The following TLN2 variants were observed in gnomAD, a reference collection of about 807,000 sequenced individuals.
TLN2 encodes talin 2.
In TLN2, 118 loss-of-function variants were observed where a neutral mutation model predicts 294.7. The ratio of observed to expected loss-of-function variants is 0.40; its 90% CI spans 0.34 to 0.47. TLN2 has a LOEUF of 0.47. Ranked by LOEUF, TLN2 falls within the 20% of genes least tolerant of loss-of-function variation. The probability of loss-of-function intolerance (pLI) is 0.84; values close to 1 mark genes in which losing one functional copy is unlikely to be tolerated. For synonymous variants in TLN2, 1,431 were observed against 1,304.5 expected (o/e 1.10, Z -2.09); for missense variants, 3,083 against 3,282.2 (o/e 0.94, Z 1.48).
intron 1 of TLN2, among the ~76,000 whole-genome samples, chr15:62,439,559 C>T (rs985110431): frequency 2.4e-4 from 37 of 152,092 alleles, no homozygotes; most frequent in African/African-American, 8.2e-4. Context: ...GTGATCTGCC[C>T]GCCTTGGCCT....
chr15:62,763,784 G>A, intron 40 of TLN2, 89 bp downstream of exon 40: 2 of 1,427,338 alleles, frequency 1.4e-6, no homozygotes, highest in South Asian at 1.5e-5. Flanking sequence ...AGGTTGTAGG[G>A]CCAAAATGTT....
intron 42 of TLN2, among the ~76,000 whole-genome samples, chr15:62,775,770 C>T (rs915014918): frequency 7.2e-5 from 11 of 152,222 alleles, no homozygotes; most frequent in Admixed American, 6.5e-4. Flanking sequence ...TGGCTCAGGG[C>T]GGCCGTAGCC....
intron 24 of TLN2, among the ~76,000 whole-genome samples, chr15:62,719,215 G>T (rs995694942): frequency 6.6e-6 from 1 of 152,168 alleles, no homozygotes; most frequent in Non-Finnish European, 1.5e-5. Context: ...ACAGAATGCC[G>T]TGCCTCTCTC....
At chr15:62,592,492 A>C (rs2046159914) in intron 2 of TLN2, among the ~76,000 whole-genome samples, 1 of 152,234 alleles carries the variant, frequency 6.6e-6, no homozygotes, top group African/African-American at 2.4e-5. Flanking sequence ...ATTGAACAAC[A>C]ACAGAAACAT....
intron 45 of TLN2, among the ~76,000 whole-genome samples, chr15:62,790,688 C>T (rs2065010693): frequency 6.6e-6 from 1 of 152,244 alleles, no homozygotes; most frequent in South Asian, 2.1e-4. Flanking sequence ...GGTTTTAACT[C>T]TGTGGATCTG....
At chr15:62,677,688 C>T (rs2056369636) in intron 11 of TLN2, among the ~76,000 whole-genome samples, 1 of 151,782 alleles carries the variant, frequency 6.6e-6, no homozygotes, top group South Asian at 2.1e-4. Flanking sequence ...TTTCTTCCTT[C>T]CTCCTTCCTT....
In TLN2 at chr15:62,719,814, C is replaced by T. The variant is rs376701521; in HGVS notation, c.2925C>T (p.Ser975=). The stretch of plus-strand genomic sequence containing the variant: ...AGCTGGTCCAGGGAGTGAGGGGGAG[C>T]CAAGCTCAAGCTGAAGACCTGAGTG... The part of the protein sequence containing the change: ...IPQLVQGVRG[S]QAQAEDLSAQ... Residue 975 remains serine (S), a synonymous_variant, in exon 25 of 59, where the codon AGC becomes AGT. Coordinates refer to ENST00000636159, the MANE Select transcript of TLN2 (RefSeq NM_015059.3). 23 of 1,611,988 alleles carry T rather than the reference C, an allele frequency of 1.4e-5. No homozygotes were observed. In the African/African-American group the frequency reaches 2.7e-4, roughly 19 times the overall value.
chr15:62,821,432 A>T (rs2067557090), intron 54 of TLN2, among the ~76,000 whole-genome samples: 2 of 152,230 alleles, frequency 1.3e-5, no homozygotes, highest in Admixed American at 6.5e-5. Context: ...TTCCCCTCAA[A>T]AAAGGGCTGG....
At chr15:62,436,964 A>G (rs1404562051) in intron 1 of TLN2, among the ~76,000 whole-genome samples, 2 of 152,198 alleles carry the variant, frequency 1.3e-5, no homozygotes, top group Non-Finnish European at 2.9e-5. Flanking sequence ...CCCAACCCCA[A>G]GTGATCCTCC....
chr15:62,762,816 G>A (rs533278145), intron 39 of TLN2, among the ~76,000 whole-genome samples: 5 of 152,138 alleles, frequency 3.3e-5, no homozygotes, highest in South Asian at 2.1e-4. Flanking sequence ...TACATTGTCC[G>A]TATCTAGGAG....
rs969791337 is a variant in TLN2 at position 62,482,034 on chromosome 15, C to T, written c.-238+91349C>T. Among the ~76,000 whole-genome samples the T allele has an allele frequency of 3.9e-5, 6 of 151,960 alleles. No individual in the cohort carries two copies. The East Asian group carries it at 7.8e-4, about 20-fold the overall frequency. Reference sequence around the variant, plus strand: ...CTGGTCTCGAACTCCTGACCTCAGACGATCCACCTGCCTCAGCCTCCCAAA... The same window carrying T: ...CTGGTCTCGAACTCCTGACCTCAGATGATCCACCTGCCTCAGCCTCCCAAA... On this transcript the variant is annotated intron_variant, in intron 1 of 58. Coordinates refer to ENST00000636159, the MANE Select transcript of TLN2 (RefSeq NM_015059.3).
intron 1 of TLN2, among the ~76,000 whole-genome samples, chr15:62,397,105 C>T (rs577098508): frequency 6.6e-6 from 1 of 152,292 alleles, no homozygotes; most frequent in African/African-American, 2.4e-5. Context: ...AGTCTCTTTC[C>T]ATACGATCTC....
rs772734815 is a variant in TLN2 at position 62,776,734 on chromosome 15, T to C, written c.5368-30T>C. 34 of 1,471,160 alleles carry C rather than the reference T, an allele frequency of 2.3e-5. No individual in the cohort carries two copies. In the South Asian group the frequency reaches 4.3e-4, roughly 18 times the overall value. The allele number at this position is 1,471,160 out of a possible 1,614,324, so 91.1% of individuals were successfully genotyped here. On this transcript the variant is annotated intron_variant, in intron 42 of 58. Transcript: ENST00000636159. ...AGACTGAGCACCGCTCTCTTCTGCTTAAGGAAATGTTTCACAATTCCCTTC... is the reference window on the plus strand; with the variant it reads ...AGACTGAGCACCGCTCTCTTCTGCTCAAGGAAATGTTTCACAATTCCCTTC...
At chr15:62,711,762 G>C (rs757924178) in intron 21 of TLN2, 149 bp from the exon 22 acceptor site, 11 of 782,734 alleles carry the variant, frequency 1.4e-5, no homozygotes, top group Non-Finnish European at 2.1e-5. Flanking sequence ...GCTCTAATTT[G>C]GATGCATGGC....
At chr15:62,539,934 C>G (rs1035657985) in intron 1 of TLN2, among the ~76,000 whole-genome samples, 1 of 151,054 alleles carries the variant, frequency 6.6e-6, no homozygotes, top group Non-Finnish European at 1.5e-5. Context: ...TCAATTTTGA[C>G]TTAACTACTA....
At chr15:62,560,751 TGC>T (rs2042891539) in intron 1 of TLN2, among the ~76,000 whole-genome samples, 8 of 152,236 alleles carry the variant, frequency 5.3e-5, no homozygotes, top group Admixed American at 4.6e-4. Flanking sequence ...AGCCCTTCTT[TGC>T]AGGGTGGACT....
At chr15:62,401,846 G>C (rs781101468) in intron 1 of TLN2, among the ~76,000 whole-genome samples, 15 of 152,152 alleles carry the variant, frequency 9.9e-5, no homozygotes, top group Non-Finnish European at 2.2e-4. Context: ...TCGCTCACAT[G>C]GTTATCTCTA....
At chr15:62,546,600 A>AT (rs2042006858) in intron 1 of TLN2, among the ~76,000 whole-genome samples, 1 of 152,190 alleles carries the variant, frequency 6.6e-6, no homozygotes, top group Non-Finnish European at 1.5e-5. Context: ...ATCCAGTTGC[A>AT]AGGACAGCAT....
chr15:62,540,079 C>T (rs544319016), intron 1 of TLN2, among the ~76,000 whole-genome samples: 155 of 152,292 alleles, frequency 1.0e-3, no homozygotes, highest in African/African-American at 3.5e-3. Flanking sequence ...GTGGCTCACA[C>T]CTGTAATCCC....
Sources: allele counts gnomAD v4.1 joint callset (sites outside exome capture counted in the v4.1 genomes callset), GRCh38; gene constraint gnomAD v4.1.1; transcripts MANE v1.5; gene names NCBI Gene and HGNC (gene_info 2026-07-23, HGNC 2026-07-21).